The following AHNAK2 variants were observed in gnomAD, a reference collection of about 807,000 sequenced individuals.
AHNAK2 encodes the protein AHNAK nucleoprotein 2.
Under a neutral mutation model 30.7 loss-of-function variants are expected in AHNAK2, and 18 were observed. The ratio of observed to expected loss-of-function variants is 0.59; its 90% CI spans 0.41 to 0.87. AHNAK2 has a LOEUF of 0.87. Ranked by LOEUF, AHNAK2 falls within the 40% of genes least tolerant of loss-of-function variation. The pLI is 0.00. For synonymous variants in AHNAK2, 3,590 were observed against 3,073.8 expected (o/e 1.17, Z -5.56); for missense variants, 8,604 against 7,373.0 (o/e 1.17, Z -6.11).
chr14:104,965,483 C>T (rs965233130), intron 1 of AHNAK2, among the ~76,000 whole-genome samples: 4 of 151,774 alleles, frequency 2.6e-5, no homozygotes, highest in African/African-American at 7.3e-5. Flanking sequence ...AAAAGGACTC[C>T]AGTCTCAACC....
In AHNAK2 at chr14:104,946,063, A is replaced by G. The variant is rs372357835; in HGVS notation, c.9388T>C (p.Ser3130Pro). ...GCAGTCACATCCTTGTCGGCCAGGG[A>G]CAGGTCCCCCTCCAGCCGTGCACCA... is the stretch of plus-strand genomic sequence containing the variant. ...LDGARLEGDL[S>P]LADKDVTAKD... Residue 3130 changes from serine to proline, a missense_variant, in exon 7 of 7, where the codon TCC becomes CCC. By Grantham distance (74) the Ser-to-Pro change is moderately conservative (BLOSUM62 -1). Coordinates refer to ENST00000333244, the MANE Select transcript of AHNAK2 (RefSeq NM_138420.4). 74 of 1,608,036 alleles carry G rather than the reference A, an allele frequency of 4.6e-5. No homozygotes were observed. In the African/African-American group the frequency reaches 9.5e-4, roughly 21 times the overall value.
chr14:104,946,828 C>T lies in AHNAK2; in HGVS notation c.8623G>A (p.Gly2875Ser). The T allele has an allele frequency of 1.2e-6, 2 of 1,612,680 alleles. No homozygotes were observed. The highest frequency in any genetic ancestry group is 1.7e-6 in the Non-Finnish European group (2 of 1,179,648). Residue 2875 changes from glycine (G) to serine (S), a missense_variant, in exon 7 of 7, where the codon GGC becomes AGC. Transcript: ENST00000333244. ...PPSAQLEVQA[G>S]QVDVKLPEGH... is the part of the protein sequence containing the mutation. ...TCTGGGAGTTTCACGTCCACCTGGC[C>T]AGCCTGGACCTCCAGTTGGGCGGAG...
chr14:104,972,303 G>A (rs113021222), intron 1 of AHNAK2, among the ~76,000 whole-genome samples: 2,760 of 152,294 alleles, frequency 0.018, 83 homozygotes, highest in African/African-American at 0.063. Flanking sequence ...AGCTGGCCAC[G>A]TCTGCTCCAG....
intron 1 of AHNAK2, among the ~76,000 whole-genome samples, chr14:104,977,907 G>A (rs1051512029): frequency 6.0e-5 from 9 of 151,246 alleles, no homozygotes; most frequent in East Asian, 5.9e-4. Context: ...CGACAGAGAC[G>A]AGTCAGCCAC....
chr14:104,964,960 T>G (rs1049261387), intron 1 of AHNAK2, among the ~76,000 whole-genome samples: 1 of 152,252 alleles, frequency 6.6e-6, no homozygotes, highest in African/African-American at 2.4e-5. Flanking sequence ...AGAACCAAAC[T>G]TGTCCAACCC....
chr14:104,954,637 C>T lies in AHNAK2; in HGVS notation c.814G>A (p.Gly272Arg), dbSNP rs1311984234. Residue 272 changes from glycine (G) to arginine (R), a missense_variant, in exon 7 of 7, where the codon GGG becomes AGG. Gly to Arg is a moderately radical substitution (Grantham distance 125). Transcript: ENST00000333244. The surrounding 1 kb of genome is among the most constrained non-coding windows in gnomAD (Gnocchi z 4.3). The part of the protein sequence containing the change: ...PKFQSIKSKR[G>R]PGPQRSHSSS... ...CTGTGTGACCTCTGGGGTCCCGGCC[C>T]CCGCTTGCTCTTTATGGATTGAAAT... 2 of 1,612,660 alleles carry T rather than the reference C, an allele frequency of 1.2e-6. No individual in the cohort carries two copies. The highest frequency in any genetic ancestry group is 1.3e-5 in the African/African-American group (1 of 74,906).
In AHNAK2 at chr14:104,947,845, G is replaced by A. The variant is rs769867544; in HGVS notation, c.7606C>T (p.Pro2536Ser). 13 of 1,612,724 alleles carry A rather than the reference G, an allele frequency of 8.1e-6. No homozygotes were observed. The highest frequency in any genetic ancestry group is 4.5e-5 in the East Asian group (2 of 44,748). The change falls in exon 7 of 7, where the codon CCT becomes TCT. Residue 2536 changes from proline to serine, a missense_variant. Pro to Ser is a moderately conservative substitution (Grantham distance 74). Coordinates refer to ENST00000333244, the MANE Select transcript of AHNAK2 (RefSeq NM_138420.4). ...LKATDLSIQP[P>S]SADLEVQAGQ... is the part of the protein sequence containing the mutation. ...GCCTGGACCTCCAGGTCAGCGGAAGGGGGCTGAATGCTGAGGTCAGTGGCC... is the reference window on the plus strand; with the variant it reads ...GCCTGGACCTCCAGGTCAGCGGAAGAGGGCTGAATGCTGAGGTCAGTGGCC...
At chr14:104,976,872 C>T (rs929362003) in intron 1 of AHNAK2, among the ~76,000 whole-genome samples, 1 of 152,166 alleles carries the variant, frequency 6.6e-6, no homozygotes, top group African/African-American at 2.4e-5. Flanking sequence ...CTGAGGAGGT[C>T]GACCTGCAGC....
At position 104,940,090 on chromosome 14, in the gene AHNAK2, G is replaced by A. The variant is rs763845894; in HGVS notation, c.15361C>T (p.Pro5121Ser). 1.2e-6 allele frequency: 2 copies of A among 1,613,184 alleles called. No individual in the cohort carries two copies. Among genetic ancestry groups the A allele is most frequent in the South Asian group, 1.1e-5 (1 of 91,084 alleles). ...VEVSQPEADL[P>S]LPKHDLSTEG... is the part of the protein sequence containing the mutation. ...GTAGACAGATCATGTTTGGGAAGAG[G>A]CAGGTCAGCTTCAGGCTGGCTCACC... The change falls in exon 7 of 7, where the codon CCT becomes TCT. Residue 5121 changes from proline (P) to serine (S), a missense_variant. By Grantham distance (74) the Pro-to-Ser change is moderately conservative. Coordinates refer to ENST00000333244, the MANE Select transcript of AHNAK2 (RefSeq NM_138420.4). The surrounding 1 kb of genome is among the most constrained non-coding windows in gnomAD (Gnocchi z 4.4).
At chr14:104,957,333 G>C in intron 3 of AHNAK2, 77 bp downstream of exon 3, 1 of 1,355,260 alleles carries the variant, frequency 7.4e-7, no homozygotes. Flanking sequence ...AGGTTGAACA[G>C]ACATGCGTGA....
chr14:104,973,679 G>C (rs1218879470), intron 1 of AHNAK2, among the ~76,000 whole-genome samples: 4 of 152,182 alleles, frequency 2.6e-5, no homozygotes, highest in African/African-American at 9.7e-5. Flanking sequence ...GTCCAGGCAG[G>C]GGTGTGGCTT....
chr14:104,955,412 A>G (rs1898941340), intron 5 of AHNAK2, 71 bp downstream of exon 5: 3 of 1,535,572 alleles, frequency 2.0e-6, no homozygotes, highest in South Asian at 1.3e-5. Flanking sequence ...TTACCCCTCA[A>G]TACCCCCCTC....
chr14:104,953,717 TC>T lies in AHNAK2; in HGVS notation c.1733del (p.Gly578AspfsTer3). The T allele has an allele frequency of 6.2e-7, 1 of 1,613,980 alleles. No individual in the cohort carries two copies. Among genetic ancestry groups the T allele is most frequent in the East Asian group, 2.2e-5 (1 of 44,870 alleles). On this transcript the variant is annotated frameshift_variant, in exon 7 of 7. Transcript: ENST00000333244. LOFTEE classifies it low-confidence loss of function (END_TRUNC). The part of the protein sequence containing the change: ...EQDKGREDTE[G>X]QIRMPKFKIP... ...TCTTGAACTTGGGCATTCTTATCTG[TC>T]CTTCTGTGTCTTCCCTGCCCTTGTC...
At position 104,946,878 on chromosome 14, in the gene AHNAK2, G is replaced by A. The variant is rs756338385; in HGVS notation, c.8573C>T (p.Thr2858Ile). ...SFPSMQGDLK[T>I]TDIRIQPPSA... ...GGGGGGCTGAATGCGGATGTCAGTG[G>A]TCTTAAGATCCCCTTGCATGGAGGG... The change falls in exon 7 of 7, where the codon ACC becomes ATC. Residue 2858 changes from threonine to isoleucine, a missense_variant. Transcript: ENST00000333244. 1.2e-6 allele frequency: 2 copies of A among 1,612,398 alleles called. No individual in the cohort carries two copies. The highest frequency in any genetic ancestry group is 2.2e-5 in the East Asian group (1 of 44,710).
chr14:104,947,837 A>T lies in AHNAK2; in HGVS notation c.7614T>A (p.Ala2538=), dbSNP rs374363751. Residue 2538 remains alanine (A), a synonymous_variant, in exon 7 of 7, where the codon GCT becomes GCA. Coordinates refer to ENST00000333244, the MANE Select transcript of AHNAK2 (RefSeq NM_138420.4). ...ATDLSIQPPS[A]DLEVQAGQVD... is the part of the protein sequence containing the mutation. The stretch of plus-strand genomic sequence containing the variant: ...CTTGGCCAGCCTGGACCTCCAGGTC[A>T]GCGGAAGGGGGCTGAATGCTGAGGT... The T allele has an allele frequency of 3.2e-5, 51 of 1,611,432 alleles. 1 individual carries two copies. The African/African-American group carries it at 5.9e-4, about 19-fold the overall frequency.
chr14:104,951,313 G>T lies in AHNAK2; in HGVS notation c.4138C>A (p.Pro1380Thr), dbSNP rs199548308. Reference protein sequence around the residue: ...DLKTTDLSIQPPSTDLELQAG... With the variant: ...DLKTTDLSIQTPSTDLELQAG... ...TGGAGCTCCAGGTCAGTGGAAGGGG[G>T]CTGAATGCTGAGGTCAGTGGTCTTG... The change falls in exon 7 of 7, where the codon CCC (proline) becomes ACC (threonine). Residue 1380 changes from proline to threonine, a missense_variant. Transcript: ENST00000333244. The T allele has an allele frequency of 3.8e-6, 4 of 1,064,144 alleles. 1 individual carries two copies. Among genetic ancestry groups the T allele is most frequent in the Middle Eastern group, 5.4e-4 (2 of 3,670 alleles). The allele number at this position is 1,064,144 out of a possible 1,614,324, so 65.9% of individuals were successfully genotyped here.
In AHNAK2 at chr14:104,947,350, G is replaced by A. The variant is rs1566907581; in HGVS notation, c.8101C>T (p.Pro2701Ser). The A allele has an allele frequency of 6.2e-7, 1 of 1,612,602 alleles. No homozygotes were observed. The highest frequency in any genetic ancestry group is 1.1e-5 in the South Asian group (1 of 91,034). Residue 2701 changes from proline to serine, a missense_variant, in exon 7 of 7, where the codon CCC becomes TCC. Coordinates refer to ENST00000333244, the MANE Select transcript of AHNAK2 (RefSeq NM_138420.4). ...GCCTGGACCTCCAGTTGGGCAGAGG[G>A]GGGCTGAATGCTGATGTCAGTGGTC... ...LKTTDISIQP[P>S]SAQLEVQAGQ...
At chr14:104,969,896 G>A (rs1382025109) in intron 1 of AHNAK2, among the ~76,000 whole-genome samples, 1 of 152,118 alleles carries the variant, frequency 6.6e-6, no homozygotes. Flanking sequence ...GCTACCCATC[G>A]CCCCAGGCCC....
intron 5 of AHNAK2, 27 bp from the exon 6 acceptor site, chr14:104,955,168 GC>G: frequency 6.3e-7 from 1 of 1,584,498 alleles, no homozygotes. Context: ...CAGCCCCAGG[GC>G]CGGGTGTGTG....
Sources: allele counts gnomAD v4.1 joint callset (sites outside exome capture counted in the v4.1 genomes callset), GRCh38; gene constraint gnomAD v4.1.1; non-coding constraint Gnocchi (gnomAD v3.1); transcripts MANE v1.5; gene names NCBI Gene and HGNC (gene_info 2026-07-23, HGNC 2026-07-21).